Variants in CHRNA3 observed in about 807,000 individuals in gnomAD.
The protein encoded by CHRNA3 is neuronal acetylcholine receptor subunit alpha-3.
In CHRNA3, 34 loss-of-function variants were observed where a neutral mutation model predicts 41.9. The observed-to-expected ratio is 0.81, with a 90% confidence interval of 0.62 to 1.08. The LOEUF (loss-of-function observed/expected upper bound fraction) is 1.08. Among genes scored for constraint, CHRNA3 ranks in the 50% least tolerant of loss-of-function variants. The probability of loss-of-function intolerance (pLI) is 0.00; values close to 1 mark genes in which losing one functional copy is unlikely to be tolerated. For synonymous variants in CHRNA3, 281 were observed against 265.2 expected, an observed-to-expected ratio of 1.06 and a Z score of -0.58; for missense variants, 542 against 638.3, an observed-to-expected ratio of 0.85 and a Z score of 1.63.
In CHRNA3 at chr15:78,620,757, G is replaced by T. The variant is rs1360422869; in HGVS notation, c.38C>A (p.Ser13Ter). ...CAGCAGCAGCAGCAGCCGCGGCGGC[G>T]ACAGCGCCAGGGGCAGCGAGAGCGG... Reference protein sequence around the residue: ...SGPLSLPLALSPPRLLLLLLL... With the variant: ...SGPLSLPLAL The change falls in exon 1 of 6, where the codon TCG (serine) becomes TAG (stop). Residue 13 changes from serine (S) to a stop codon, truncating the protein, a stop_gained. Transcript: ENST00000326828. LOFTEE classifies it high-confidence loss of function. The T allele has an allele frequency of 6.7e-7, 1 of 1,498,440 alleles. No individual in the cohort carries two copies. The highest frequency in any genetic ancestry group is 8.8e-7 in the Non-Finnish European group (1 of 1,130,722). 92.8% of individuals were successfully genotyped at this position (1,498,440 alleles called of 1,614,324 possible).
At chr15:78,610,089 G>A (rs1436636050) in intron 4 of CHRNA3, among the ~76,000 whole-genome samples, 1 of 152,140 alleles carries the variant, frequency 6.6e-6, no homozygotes, top group Non-Finnish European at 1.5e-5. Flanking sequence ...AGTCCTTAGA[G>A]ACCTACAAAG....
chr15:78,593,153 T>G (rs202066018), downstream of CHRNA3: 2 of 1,613,974 alleles, frequency 1.2e-6, no homozygotes, highest in South Asian at 1.1e-5. Flanking sequence ...TGGACTTTTC[T>G]TTTCGTTTCA....
At chr15:78,613,364 TATA>T (rs2053409715) in intron 4 of CHRNA3, among the ~76,000 whole-genome samples, 1 of 152,010 alleles carries the variant, frequency 6.6e-6, no homozygotes, top group Non-Finnish European at 1.5e-5. Flanking sequence ...ATGTGGCACA[TATA>T]CACCATGGAA....
intron 4 of CHRNA3, among the ~76,000 whole-genome samples, chr15:78,610,724 T>G (rs1196048947): frequency 1.3e-5 from 2 of 150,672 alleles, no homozygotes; most frequent in Admixed American, 6.6e-5. Context: ...ATAACTAAAA[T>G]CAGAGCAGAA....
Position 78,617,565 on chromosome 15 carries a change from T to G in CHRNA3, c.268-432A>C, listed in dbSNP as rs574536722. On this transcript the variant is annotated intron_variant, in intron 3 of 5. Transcript: ENST00000326828. ...CCCAAGGTTAAGCAAGACTGGACTC[T>G]GAAAGATTCCGGGGGAAGAATCCAT... Among the ~76,000 whole-genome samples, 10 of 152,270 alleles carry G rather than the reference T, an allele frequency of 6.6e-5. No homozygotes were observed. In the South Asian group the frequency reaches 2.1e-3, roughly 32 times the overall value.
intron 4 of CHRNA3, among the ~76,000 whole-genome samples, chr15:78,609,532 A>G (rs2053349418): frequency 6.6e-6 from 1 of 152,226 alleles, no homozygotes; most frequent in Admixed American, 6.5e-5. Flanking sequence ...AAATGCTGAG[A>G]GATTTTATCA....
chr15:78,605,946 TCCC>T (rs1429208022), intron 4 of CHRNA3, among the ~76,000 whole-genome samples: 1 of 151,918 alleles, frequency 6.6e-6, no homozygotes, highest in Non-Finnish European at 1.5e-5. Flanking sequence ...CTTCTCCTAT[TCCC>T]CCCAAGAACT....
At chr15:78,619,158 T>A in intron 1 of CHRNA3, 1 of 565,938 alleles carries the variant, frequency 1.8e-6, no homozygotes, top group South Asian at 2.1e-5. Flanking sequence ...AAGCCTGGGC[T>A]CTGGAGTTGG....
chr15:78,602,316 A>G, intron 4 of CHRNA3, 52 bp from the exon 5 acceptor site: 1 of 1,558,818 alleles, frequency 6.4e-7, no homozygotes, highest in East Asian at 2.3e-5. Flanking sequence ...ACACTTGGTC[A>G]TATTGTGGTC....
intron 4 of CHRNA3, among the ~76,000 whole-genome samples, chr15:78,616,366 C>CG (rs2053462377): frequency 7.4e-6 from 1 of 135,860 alleles, no homozygotes; most frequent in East Asian, 3.0e-4. Context: ...CCCCACCCCC[C>CG]CAAAAAAAAA....
At chr15:78,606,742 C>CA (rs2053294408) in intron 4 of CHRNA3, among the ~76,000 whole-genome samples, 1 of 150,698 alleles carries the variant, frequency 6.6e-6, no homozygotes, top group African/African-American at 2.4e-5. Context: ...AAAAAAAATA[C>CA]AAAAAAATTA....
chr15:78,613,912 C>G (rs1434827722), intron 4 of CHRNA3, among the ~76,000 whole-genome samples: 2 of 151,350 alleles, frequency 1.3e-5, no homozygotes, highest in Admixed American at 1.3e-4. Flanking sequence ...TGCCACTGCA[C>G]TCCAGCCTGG....
At position 78,601,489 on chromosome 15, in the gene CHRNA3, G is replaced by A. The variant is rs76018802; in HGVS notation, c.1153C>T (p.Arg385Cys). The change falls in exon 5 of 6, where the codon CGC becomes TGC. Residue 385 changes from arginine to cysteine, a missense_variant. Physicochemically the swap from Arg to Cys is radical, Grantham distance 180. Coordinates refer to ENST00000326828, the MANE Select transcript of CHRNA3 (RefSeq NM_000743.5). ...AELSNLNCFS[R>C]AESKGCKEGY... Reference sequence around the variant, plus strand: ...TCCTTGCAGCCTTTGGACTCTGCGCGGCTGAAGCAATTCAGATTTGAGAGC... The same window carrying A: ...TCCTTGCAGCCTTTGGACTCTGCGCAGCTGAAGCAATTCAGATTTGAGAGC... The A allele has an allele frequency of 3.8e-5, 62 of 1,614,044 alleles. No individual in the cohort carries two copies. Among genetic ancestry groups the A allele is most frequent in the Middle Eastern group, 1.6e-4 (1 of 6,084 alleles).
chr15:78,614,749 T>C (rs775116405), intron 4 of CHRNA3, among the ~76,000 whole-genome samples: 5 of 152,226 alleles, frequency 3.3e-5, no homozygotes, highest in Non-Finnish European at 5.9e-5. Flanking sequence ...ACATTTTAAC[T>C]CTAAAATGCA....
intron 5 of CHRNA3, among the ~76,000 whole-genome samples, chr15:78,599,116 A>G (rs1023373172): frequency 2.0e-5 from 3 of 152,132 alleles, no homozygotes; most frequent in African/African-American, 7.2e-5. Flanking sequence ...TTGGGATTAC[A>G]GGCGTGAGCC....
chr15:78,596,868 T>C, intron 5 of CHRNA3, 136 bp from the exon 6 acceptor site: 1 of 1,290,568 alleles, frequency 7.7e-7, no homozygotes, highest in Non-Finnish European at 1.0e-6. Flanking sequence ...CTTTTTTTCC[T>C]AATTGATGTG....
Position 78,601,957 on chromosome 15 carries a change from G to A in CHRNA3, c.685C>T (p.Pro229Ser), listed in dbSNP as rs756947841. The A allele has an allele frequency of 1.9e-6, 3 of 1,611,800 alleles. No individual in the cohort carries two copies. Among genetic ancestry groups the A allele is most frequent in the Non-Finnish European group, 2.5e-6 (3 of 1,178,976 alleles). Residue 229 changes from proline to serine, a missense_variant, in exon 5 of 6, where the codon CCC (proline) becomes TCC (serine). By Grantham distance (74) the Pro-to-Ser change is moderately conservative (BLOSUM62 -1). Coordinates refer to ENST00000326828, the MANE Select transcript of CHRNA3 (RefSeq NM_000743.5). ...ATGTACAGCGAGTATGTGATGTCGGGGTAGATCTCCTCGCAGCAGTTGTAC... is the reference window on the plus strand; with the variant it reads ...ATGTACAGCGAGTATGTGATGTCGGAGTAGATCTCCTCGCAGCAGTTGTAC... ...IKYNCCEEIY[P>S]DITYSLYIRR...
chr15:78,593,146 ACTTTT>A (rs770154759), downstream of CHRNA3: 235 of 1,613,776 alleles, frequency 1.5e-4, 1 homozygote, highest in East Asian at 4.2e-4. Context: ...GTTTCTGTGG[ACTTTT>A]CTTTTCGTTT....
chr15:78,613,082 G>A (rs570166986), intron 4 of CHRNA3, among the ~76,000 whole-genome samples: 15 of 152,334 alleles, frequency 9.8e-5, no homozygotes, highest in South Asian at 2.1e-4. Flanking sequence ...AGATGCTGGC[G>A]AGGATGTGGA....
Sources: gnomAD v4.1 joint callset for allele counts (sites outside exome capture counted in the v4.1 genomes callset) on GRCh38, gnomAD v4.1.1 for gene constraint, MANE v1.5 for transcripts, NCBI Gene and HGNC (gene_info 2026-07-23, HGNC 2026-07-21) for gene names.